DNAJB2: variants seen among roughly 807,000 people sequenced by gnomAD.
DNAJB2 encodes dnaJ homolog subfamily B member 2.
DNAJB2 carries 19 observed loss-of-function variants against 33.3 expected under a neutral mutation model. The ratio of observed to expected loss-of-function variants is 0.57; its 90% CI spans 0.40 to 0.84. The LOEUF (loss-of-function observed/expected upper bound fraction) is 0.84. Among genes scored for constraint, DNAJB2 ranks in the 40% least tolerant of loss-of-function variants. DNAJB2 has a pLI of 0.00. For missense variants in DNAJB2, 368 were observed against 430.9 expected, an observed-to-expected ratio of 0.85 and a Z score of 1.29; for synonymous variants, 172 against 164.6, an observed-to-expected ratio of 1.04 and a Z score of -0.34.
In DNAJB2 at chr2:219,286,041, C is replaced by G; in HGVS notation, c.*1054C>G. ...GAATCGCTGCACAGTTCCAACAGGA[C>G]AGCGCCTTCCCCCATGCGCTGGGAG... On this transcript the variant is annotated 3_prime_UTR_variant, in exon 9 of 9. Transcript: ENST00000336576. The G allele has an allele frequency of 6.2e-7, 1 of 1,610,238 alleles. No homozygotes were observed. Among genetic ancestry groups the G allele is most frequent in the African/African-American group, 1.3e-5 (1 of 74,932 alleles).
In DNAJB2 at chr2:219,281,677, A is replaced by G. The variant is rs765997763; in HGVS notation, c.176-41A>G. On this transcript the variant is annotated intron_variant, in intron 3 of 8. Coordinates refer to ENST00000336576, the MANE Select transcript of DNAJB2 (RefSeq NM_006736.6). ...ACGTCCTAGCCTGGGAGGGGAGCCC[A>G]TCCCAGAGGGAGGGTGAAATGATCT... The G allele has an allele frequency of 3.1e-6, 5 of 1,612,394 alleles. No individual in the cohort carries two copies. The African/African-American group carries it at 5.3e-5, about 17-fold the overall frequency.
chr2:219,282,029 T>C lies in DNAJB2; in HGVS notation c.320T>C (p.Phe107Ser), dbSNP rs1412136012. 6.2e-7 allele frequency: 1 copy of C among 1,614,044 alleles called. No homozygotes were observed. Among genetic ancestry groups the C allele is most frequent in the Non-Finnish European group, 8.5e-7 (1 of 1,180,034 alleles). Reference sequence around the variant, plus strand: ...CCCGAGGAGGTCTTCCGGGAATTCTTTGGGAGTGGAGACCCTTTTGCAGAG... The same window carrying C: ...CCCGAGGAGGTCTTCCGGGAATTCTCTGGGAGTGGAGACCCTTTTGCAGAG... ...RSPEEVFREF[F>S]GSGDPFAELF... The change falls in exon 5 of 9, where the codon TTT (phenylalanine) becomes TCT (serine). Residue 107 changes from phenylalanine (F) to serine (S), a missense_variant. Coordinates refer to ENST00000336576, the MANE Select transcript of DNAJB2 (RefSeq NM_006736.6).
intron 5 of DNAJB2, 123 bp from the exon 6 acceptor site, chr2:219,282,714 A>G: frequency 1.1e-6 from 1 of 877,258 alleles, no homozygotes. Flanking sequence ...AAGCCCAACT[A>G]AAAAGCGGAA....
At chr2:219,281,839 C>G (rs1951907257) in intron 4 of DNAJB2, 68 bp downstream of exon 4, 2 of 1,612,288 alleles carry the variant, frequency 1.2e-6, no homozygotes, top group African/African-American at 2.7e-5. Context: ...CAGATTCTTG[C>G]AATGGAGGCT....
At chr2:219,280,501 A>T (rs1951894312) in intron 2 of DNAJB2, 77 bp from the exon 3 acceptor site, 1 of 1,186,970 alleles carries the variant, frequency 8.4e-7, no homozygotes. Context: ...CTAATGGGAA[A>T]ACAGGTCGTT....
chr2:219,284,863 A>C lies in DNAJB2; in HGVS notation c.851A>C (p.Gln284Pro). The change falls in exon 9 of 9, where the codon CAG becomes CCG. Residue 284 changes from glutamine (Q) to proline (P), a missense_variant. Physicochemically the swap from Gln to Pro is moderately conservative, Grantham distance 76 (BLOSUM62 -1). Transcript: ENST00000336576. ...GGGCGGGAGGCACAGCACCGACGGCAGGGGCGGCCCAAGGCCCAGCACCAA... is the reference window on the plus strand; with the variant it reads ...GGGCGGGAGGCACAGCACCGACGGCCGGGGCGGCCCAAGGCCCAGCACCAA... ...AGGREAQHRR[Q>P]GRPKAQHQDP... The C allele has an allele frequency of 6.2e-7, 1 of 1,610,210 alleles. No individual in the cohort carries two copies. The highest frequency in any genetic ancestry group is 1.1e-5 in the South Asian group (1 of 90,738).
At position 219,283,278 on chromosome 2, in the gene DNAJB2, T is replaced by C. The variant is rs576761656; in HGVS notation, c.548+43T>C. On this transcript the variant is annotated intron_variant, in intron 7 of 8. Transcript: ENST00000336576. ...GGCCATAGAGGGGTGAGAGGTCTGC[T>C]GGGGAGCTGTGTTCAAATAGAAAGT... The C allele has an allele frequency of 3.9e-5, 63 of 1,612,524 alleles. 1 individual carries two copies. In the South Asian group the frequency reaches 6.2e-4, roughly 16 times the overall value.
rs913192249 is a variant in DNAJB2, at chr2:219,286,428, C to T, written c.*1441C>T. On this transcript the variant is annotated 3_prime_UTR_variant, in exon 9 of 9. Transcript: ENST00000336576. ...GATCTGAGCCTTGGTTCCCCTGACA[C>T]GTCTTGCTAGCCCCAGGGTTAGAGT... 19 of 172,738 alleles carry T rather than the reference C, an allele frequency of 1.1e-4. No homozygotes were observed. Among genetic ancestry groups the T allele is most frequent in the East Asian group, 1.6e-4 (1 of 6,424 alleles). 10.7% of individuals were successfully genotyped at this position (172,738 alleles called of 1,614,324 possible). A position where few individuals can be genotyped will look rare whatever the true frequency, so the allele number is the denominator to read the frequency against.
rs1311088103 is a variant in DNAJB2, at chr2:219,285,542, G to C, written c.*555G>C. Reference sequence around the variant, plus strand: ...CCTCCCATTCTCTCTGCAACTCCCTGCGGGCCGCATCGCTTGCTTTCACTG... The same window carrying C: ...CCTCCCATTCTCTCTGCAACTCCCTCCGGGCCGCATCGCTTGCTTTCACTG... On this transcript the variant is annotated 3_prime_UTR_variant, in exon 9 of 9. Coordinates refer to ENST00000336576, the MANE Select transcript of DNAJB2 (RefSeq NM_006736.6). 1 of 1,021,318 alleles carries C rather than the reference G, an allele frequency of 9.8e-7. No individual in the cohort carries two copies. The highest frequency in any genetic ancestry group is 1.7e-5 in the African/African-American group (1 of 58,984). 63.3% of individuals were successfully genotyped at this position (1,021,318 alleles called of 1,614,324 possible). A position where few individuals can be genotyped will look rare whatever the true frequency, so the allele number is the denominator to read the frequency against.
Position 219,285,949 on chromosome 2 carries a change from CGCTCTCTCCT to C in DNAJB2, c.*964_*973del. On this transcript the variant is annotated 3_prime_UTR_variant, in exon 9 of 9. Transcript: ENST00000336576. Reference sequence around the variant, plus strand: ...CCCATCCTCCACAGCTTGCCGCTGACGCTCTCTCCTGTCACCCCGCCCCTGCTCTCTCCCC... The same window carrying C: ...CCCATCCTCCACAGCTTGCCGCTGACGTCACCCCGCCCCTGCTCTCTCCCC... 6.2e-7 allele frequency: 1 copy of C among 1,609,968 alleles called. No homozygotes were observed. Among genetic ancestry groups the C allele is most frequent in the Non-Finnish European group, 8.5e-7 (1 of 1,179,214 alleles).
chr2:219,283,262 G>T, intron 7 of DNAJB2, 27 bp downstream of exon 7: 2 of 1,613,738 alleles, frequency 1.2e-6, no homozygotes, highest in Non-Finnish European at 1.7e-6. Flanking sequence ...GGGCCATAGA[G>T]GGGTGAGAGG....
rs781631654 is a variant in DNAJB2, at chr2:219,284,661, G to C, written c.649G>C (p.Glu217Gln). The change falls in exon 9 of 9, where the codon GAG becomes CAG. Residue 217 changes from glutamate (E) to glutamine (Q), a missense_variant. Physicochemically the swap from Glu to Gln is conservative, Grantham distance 29. Coordinates refer to ENST00000336576, the MANE Select transcript of DNAJB2 (RefSeq NM_006736.6). ...CCCAGATGACCTGGCACTGGGCTTGGAGCTGAGCCGTCGCGAGCAGCAGCC... is the reference window on the plus strand; with the variant it reads ...CCCAGATGACCTGGCACTGGGCTTGCAGCTGAGCCGTCGCGAGCAGCAGCC... The part of the protein sequence containing the change: ...GVPDDLALGL[E>Q]LSRREQQPSV... 7 of 1,602,048 alleles carry C rather than the reference G, an allele frequency of 4.4e-6. No individual in the cohort carries two copies. Among genetic ancestry groups the C allele is most frequent in the Non-Finnish European group, 6.0e-6 (7 of 1,172,394 alleles).
intron 8 of DNAJB2, 52 bp from the exon 9 acceptor site, chr2:219,284,580 A>G (rs1951936521): frequency 6.5e-7 from 1 of 1,530,656 alleles, no homozygotes; most frequent in East Asian, 2.3e-5. Context: ...GCAGCCTGGC[A>G]GTAATACCCC....
At position 219,279,694 on chromosome 2, in the gene DNAJB2, T is replaced by C; in HGVS notation, c.-36-104T>C. On this transcript the variant is annotated intron_variant, in intron 1 of 8. Coordinates refer to ENST00000336576, the MANE Select transcript of DNAJB2 (RefSeq NM_006736.6). The surrounding 1 kb of genome is among the most constrained non-coding windows in gnomAD (Gnocchi z 4.9). The stretch of plus-strand genomic sequence containing the variant: ...CGGCCGCAAGCAGAGCCCGGTGTGC[T>C]CCGCTTCCAACTGGGAGCGCCTTCC... 1.2e-6 allele frequency: 1 copy of C among 856,010 alleles called. No homozygotes were observed. The allele number at this position is 856,010 out of a possible 1,614,324, so 53.0% of individuals were successfully genotyped here.
In DNAJB2 at chr2:219,285,173, C is replaced by CTGAT; in HGVS notation, c.*187_*190dup. On this transcript the variant is annotated 3_prime_UTR_variant, in exon 9 of 9. Transcript: ENST00000336576. ...GGGATTTGCTGTGCTCAGCCCAGGG[C>CTGAT]TGATAGGTCCCTGGTGAAGCCCAGG... 7.7e-7 allele frequency: 1 copy of CTGAT among 1,294,192 alleles called. No homozygotes were observed. Among genetic ancestry groups the CTGAT allele is most frequent in the Non-Finnish European group, 9.8e-7 (1 of 1,020,326 alleles). The allele number at this position is 1,294,192 out of a possible 1,614,324, so 80.2% of individuals were successfully genotyped here. A position where few individuals can be genotyped will look rare whatever the true frequency, so the allele number is the denominator to read the frequency against.
Position 219,284,844 on chromosome 2 carries a change from G to A in DNAJB2, c.832G>A (p.Glu278Lys), listed in dbSNP as rs1951939681. The A allele has an allele frequency of 6.2e-7, 1 of 1,611,584 alleles. No individual in the cohort carries two copies. Among genetic ancestry groups the A allele is most frequent in the Non-Finnish European group, 8.5e-7 (1 of 1,178,964 alleles). The change falls in exon 9 of 9, where the codon GAG (glutamate) becomes AAG (lysine). Residue 278 changes from glutamate (E) to lysine (K), a missense_variant. By Grantham distance (56) the Glu-to-Lys change is moderately conservative. Coordinates refer to ENST00000336576, the MANE Select transcript of DNAJB2 (RefSeq NM_006736.6). Reference protein sequence around the residue: ...AAGKKPAGGREAQHRRQGRPK... With the variant: ...AAGKKPAGGRKAQHRRQGRPK... The stretch of plus-strand genomic sequence containing the variant: ...TGGGAAGAAACCCGCAGGTGGGCGG[G>A]AGGCACAGCACCGACGGCAGGGGCG...
At chr2:219,281,887 C>CA (rs1951907848) in intron 4 of DNAJB2, 52 bp from the exon 5 acceptor site, 2 of 1,610,480 alleles carry the variant, frequency 1.2e-6, no homozygotes, top group South Asian at 2.2e-5. Flanking sequence ...TGAGGTCCCC[C>CA]GCTCAGGGCA....
intron 2 of DNAJB2, 157 bp downstream of exon 2, chr2:219,280,055 C>G (rs1225010951): frequency 2.7e-6 from 2 of 730,990 alleles, no homozygotes; most frequent in Non-Finnish European, 4.5e-6. Flanking sequence ...GGAAAGAGAC[C>G]CCTGGTAGAG....
intron 5 of DNAJB2, 119 bp from the exon 6 acceptor site, chr2:219,282,718 A>G: frequency 1.1e-6 from 1 of 906,270 alleles, no homozygotes; most frequent in Admixed American, 3.0e-5. Flanking sequence ...CCAACTAAAA[A>G]GCGGAAAAGA....
Sources: allele counts gnomAD v4.1 joint callset, GRCh38; gene constraint gnomAD v4.1.1; non-coding constraint Gnocchi (gnomAD v3.1); transcripts MANE v1.5; gene names NCBI Gene and HGNC (gene_info 2026-07-23, HGNC 2026-07-21).